Variants in ZMAT5 observed in about 807,000 individuals in gnomAD.
ZMAT5 encodes zinc finger matrin-type 5, also known as zinc finger matrin-type protein 5.
In ZMAT5, 23 loss-of-function variants were observed where a neutral mutation model predicts 28.0. That is an observed-to-expected ratio of 0.82 (90% confidence interval 0.59 to 1.16). The LOEUF is 1.16. ZMAT5 is among the 50% of genes most tolerant of loss of function. The pLI, the probability that ZMAT5 is intolerant of heterozygous loss-of-function variation, is 0.00. For missense variants in ZMAT5, 173 were observed against 212.7 expected, an observed-to-expected ratio of 0.81 and a Z score of 1.16; for synonymous variants, 76 against 84.1, an observed-to-expected ratio of 0.90 and a Z score of 0.52.
chr22:29,754,276 G>A (rs1459637737), intron 1 of ZMAT5, among the ~76,000 whole-genome samples: 3 of 152,306 alleles, frequency 2.0e-5, no homozygotes, highest in Admixed American at 6.5e-5. Flanking sequence ...CCGGCCCCAC[G>A]CCCTGCCAGA....
chr22:29,746,417 T>TCCCAAA (rs2068009382), intron 2 of ZMAT5: 1 of 152,210 alleles, frequency 6.6e-6, no homozygotes, highest in African/African-American at 2.4e-5. Flanking sequence ...CCCAAAGTGC[T>TCCCAAA]GGGATTACAG....
chr22:29,753,100 C>T (rs1418582858), intron 1 of ZMAT5, among the ~76,000 whole-genome samples: 5 of 152,028 alleles, frequency 3.3e-5, no homozygotes, highest in Non-Finnish European at 7.4e-5. Flanking sequence ...GGAGGCTGTC[C>T]GGGGACAGAG....
At chr22:29,743,677 C>T (rs1601720599) in intron 2 of ZMAT5, among the ~76,000 whole-genome samples, 1 of 152,328 alleles carries the variant, frequency 6.6e-6, no homozygotes, top group South Asian at 2.1e-4. Context: ...AGCGATCCTC[C>T]CCACTTGGCC....
chr22:29,752,511 C>T (rs555999222), intron 1 of ZMAT5, among the ~76,000 whole-genome samples: 1 of 152,194 alleles, frequency 6.6e-6, no homozygotes, highest in East Asian at 1.9e-4. Flanking sequence ...GAGAAGTGTT[C>T]GGCCATCCTG....
chr22:29,757,042 A>G (rs1446172681), intron 1 of ZMAT5, among the ~76,000 whole-genome samples: 1 of 151,888 alleles, frequency 6.6e-6, no homozygotes, highest in East Asian at 1.9e-4. Flanking sequence ...ATCTCAAAAA[A>G]TATATATATT....
At chr22:29,745,311 G>A (rs919713851) in intron 2 of ZMAT5, among the ~76,000 whole-genome samples, 1 of 152,234 alleles carries the variant, frequency 6.6e-6, no homozygotes, top group Non-Finnish European at 1.5e-5. Flanking sequence ...AGAGGGGACA[G>A]CTTATGCCCA....
At chr22:29,762,547 T>C (rs568242838) in intron 1 of ZMAT5, among the ~76,000 whole-genome samples, 6 of 152,380 alleles carry the variant, frequency 3.9e-5, no homozygotes, top group African/African-American at 1.2e-4. Context: ...TATTGTGAAC[T>C]GCGCATGCGA....
At chr22:29,763,383 C>G (rs1444839036) in intron 1 of ZMAT5, among the ~76,000 whole-genome samples, 1 of 151,888 alleles carries the variant, frequency 6.6e-6, no homozygotes, top group African/African-American at 2.4e-5. Context: ...GTGGGTGGAT[C>G]ACGAGGTCAG....
chr22:29,750,428 A>T (rs1000889036), intron 1 of ZMAT5, among the ~76,000 whole-genome samples: 7 of 152,150 alleles, frequency 4.6e-5, no homozygotes, highest in African/African-American at 1.7e-4. Flanking sequence ...AAATGAAAAC[A>T]TTTTGGGGTC....
intron 1 of ZMAT5, 85 bp from the exon 2 acceptor site, chr22:29,748,656 C>T (rs1401304284): frequency 6.5e-7 from 1 of 1,534,624 alleles, no homozygotes; most frequent in Admixed American, 1.9e-5. Context: ...GAGGGCCAGG[C>T]CTGAGCCCAG....
At chr22:29,759,334 AAGAACTC>A (rs1465451885) in intron 1 of ZMAT5, among the ~76,000 whole-genome samples, 1 of 152,150 alleles carries the variant, frequency 6.6e-6, no homozygotes, top group Admixed American at 6.6e-5. Flanking sequence ...CTGCCCAAGA[AAGAACTC>A]AGCTCCTCAC....
In ZMAT5 at chr22:29,757,885, C is replaced by T. The variant is rs573066705; in HGVS notation, c.-28+8987G>A. Among the ~76,000 whole-genome samples, 192 of 152,134 alleles carry T rather than the reference C, an allele frequency of 1.3e-3. 1 individual carries two copies. The highest frequency in any genetic ancestry group is 4.5e-3 in the African/African-American group (188 of 41,498). ...TACAAAAAATTAGCCGGGTGTGGGG[C>T]GTGCACCTATAGTCCCAGCTACTTG... On this transcript the variant is annotated intron_variant, in intron 1 of 5. Transcript: ENST00000344318.
intron 1 of ZMAT5, among the ~76,000 whole-genome samples, chr22:29,757,827 G>A (rs1287063113): frequency 6.6e-6 from 1 of 152,200 alleles, no homozygotes; most frequent in Admixed American, 6.5e-5. Context: ...AGACCAGCCT[G>A]ACCAACATGG....
chr22:29,755,314 G>A (rs1227355853), intron 1 of ZMAT5, among the ~76,000 whole-genome samples: 1 of 99,204 alleles, frequency 1.0e-5, no homozygotes, highest in Non-Finnish European at 1.9e-5. Flanking sequence ...AAGAAAGAAA[G>A]AAAAAAAGAA....
At chr22:29,742,605 T>A in intron 2 of ZMAT5, 125 bp from the exon 3 acceptor site, 1 of 892,654 alleles carries the variant, frequency 1.1e-6, no homozygotes, top group East Asian at 2.7e-5. Flanking sequence ...AAGAGTTTCC[T>A]GTTCCACGGA....
At chr22:29,752,610 T>C (rs2068064756) in intron 1 of ZMAT5, among the ~76,000 whole-genome samples, 1 of 152,218 alleles carries the variant, frequency 6.6e-6, no homozygotes, top group African/African-American at 2.4e-5. Flanking sequence ...TGGGCCTCAG[T>C]TTCCCCATGT....
chr22:29,749,745 G>A (rs1445933025), intron 1 of ZMAT5, among the ~76,000 whole-genome samples: 3 of 152,118 alleles, frequency 2.0e-5, no homozygotes, highest in Non-Finnish European at 2.9e-5. Context: ...TAACTGACAT[G>A]GGGGTGGTTT....
At chr22:29,731,493 G>T in intron 5 of ZMAT5, 139 bp from the exon 6 acceptor site, 1 of 1,182,318 alleles carries the variant, frequency 8.5e-7, no homozygotes, top group East Asian at 3.0e-5. Context: ...GCAGAGCCTC[G>T]AAAATAGGCA....
chr22:29,732,739 C>CAA (rs131258), intron 5 of ZMAT5, among the ~76,000 whole-genome samples: 28 of 70,240 alleles, frequency 4.0e-4, no homozygotes, highest in Non-Finnish European at 5.3e-4. Context: ...GACTCCTTCT[C>CAA]AAAAAAAAAA....
Sources: gnomAD v4.1 joint callset for allele counts (sites outside exome capture counted in the v4.1 genomes callset) on GRCh38, gnomAD v4.1.1 for gene constraint, MANE v1.5 for transcripts, NCBI Gene and HGNC (gene_info 2026-07-23, HGNC 2026-07-21) for gene names.